Variants in ZSCAN5A observed in about 807,000 individuals in gnomAD.
ZSCAN5A encodes the protein zinc finger and SCAN domain containing 5A, also known as zinc finger and SCAN domain-containing protein 5A.
In ZSCAN5A, 12 loss-of-function variants were observed where a neutral mutation model predicts 23.7. The ratio of observed to expected loss-of-function variants is 0.51; its 90% CI spans 0.32 to 0.82. ZSCAN5A has a LOEUF of 0.82. ZSCAN5A is among the 40% of genes least tolerant of loss of function. The pLI, the probability that ZSCAN5A is intolerant of heterozygous loss-of-function variation, is 0.03. For missense variants in ZSCAN5A, 597 were observed against 617.9 expected, an observed-to-expected ratio of 0.97 and a Z score of 0.36; for synonymous variants, 257 against 239.9, an observed-to-expected ratio of 1.07 and a Z score of -0.66.
intron 2 of ZSCAN5A, among the ~76,000 whole-genome samples, chr19:56,279,438 G>A (rs2038515138): frequency 6.6e-6 from 1 of 152,174 alleles, no homozygotes; most frequent in Admixed American, 6.5e-5. Context: ...AAAGGACTGT[G>A]AGAACATAAT....
intron 2 of ZSCAN5A, among the ~76,000 whole-genome samples, chr19:56,294,455 A>G (rs1230912005): frequency 6.6e-6 from 1 of 152,226 alleles, no homozygotes; most frequent in African/African-American, 2.4e-5. Context: ...TGCTTGTTTG[A>G]GAATTCAGTG....
chr19:56,225,994 A>C (rs1370578593), intron 2 of ZSCAN5A, among the ~76,000 whole-genome samples: 1 of 151,714 alleles, frequency 6.6e-6, no homozygotes, highest in Non-Finnish European at 1.5e-5. Context: ...TACAATAATA[A>C]GATTTTTAAA....
At chr19:56,314,339 G>T (rs1486452970) in intron 1 of ZSCAN5A, 1 of 152,212 alleles carries the variant, frequency 6.6e-6, no homozygotes, top group East Asian at 1.9e-4. Flanking sequence ...GGCGTGAAAG[G>T]AAGTCTGGGT....
intron 2 of ZSCAN5A, among the ~76,000 whole-genome samples, chr19:56,325,259 T>C (rs2041422105): frequency 2.6e-5 from 4 of 152,214 alleles, no homozygotes; most frequent in Non-Finnish European, 5.9e-5. Context: ...CCCTTAAAGG[T>C]ATTGTGTGTG....
chr19:56,344,589 G>A (rs1009084728), intron 2 of ZSCAN5A, among the ~76,000 whole-genome samples: 6 of 150,880 alleles, frequency 4.0e-5, no homozygotes, highest in Non-Finnish European at 7.4e-5. Context: ...TGGCTAACAC[G>A]GAGAAACCCC....
chr19:56,282,801 C>T (rs1485932049), intron 2 of ZSCAN5A, among the ~76,000 whole-genome samples: 1 of 152,166 alleles, frequency 6.6e-6, no homozygotes, highest in Non-Finnish European at 1.5e-5. Flanking sequence ...TACCTGACAT[C>T]GATAATAATA....
chr19:56,335,007 G>A (rs553041268), intron 2 of ZSCAN5A, among the ~76,000 whole-genome samples: 15 of 152,250 alleles, frequency 9.9e-5, no homozygotes, highest in Non-Finnish European at 1.5e-4. Flanking sequence ...CTGAGCTAAA[G>A]TATCATGTTT....
intron 4 of ZSCAN5A, 107 bp from the exon 5 acceptor site, chr19:56,222,848 G>T: frequency 3.3e-6 from 5 of 1,505,954 alleles, no homozygotes; most frequent in Non-Finnish European, 4.6e-6. Flanking sequence ...AATGACACAG[G>T]TGTGGAAATA....
In ZSCAN5A at chr19:56,275,186, C is replaced by T. The variant is rs148572752; in HGVS notation, c.-128+38097G>A. Among the ~76,000 whole-genome samples the T allele has an allele frequency of 3.3e-4, 50 of 152,248 alleles. 1 individual carries two copies. In the South Asian group the frequency reaches 9.3e-3, roughly 28 times the overall value. On this transcript the variant is annotated intron_variant, in intron 2 of 5. Transcript: ENST00000683990. ...TTTCCCCCTTTGTAATTAATAAATA[C>T]GCTGGGGGAGAAATTTTGAGGCTAT...
chr19:56,285,000 C>T, intron 2 of ZSCAN5A: 1 of 985,290 alleles, frequency 1.0e-6, no homozygotes, highest in Non-Finnish European at 1.2e-6. Context: ...TTCCTCAGGT[C>T]TCATGAGCAG....
chr19:56,263,420 T>C (rs1274851429), intron 2 of ZSCAN5A: 2 of 152,186 alleles, frequency 1.3e-5, no homozygotes, highest in East Asian at 3.8e-4. Flanking sequence ...ATCTTATTCA[T>C]CTTCCTTTCA....
intron 2 of ZSCAN5A, chr19:56,285,157 T>C (rs1252403748): frequency 6.6e-6 from 2 of 300,770 alleles, no homozygotes; most frequent in African/African-American, 4.5e-5. Context: ...ACATGTTTTG[T>C]TTGAACTTTG....
chr19:56,244,438 C>T (rs764606175), intron 2 of ZSCAN5A: 2 of 1,579,796 alleles, frequency 1.3e-6, no homozygotes, highest in Non-Finnish European at 1.7e-6. Context: ...TGAGTGGGAC[C>T]CTCGTGACTG....
At position 56,222,079 on chromosome 19, in the gene ZSCAN5A, C is replaced by A; in HGVS notation, c.987G>T (p.Gly329=). 3 of 1,614,178 alleles carry A rather than the reference C, an allele frequency of 1.9e-6. No homozygotes were observed. The highest frequency in any genetic ancestry group is 2.5e-6 in the Non-Finnish European group (3 of 1,180,044). ...GGCCTGGGGAATGAATTGAATTCAT[C>A]CCAGCTTGTCCCGGGGATTCTCTGT... The part of the protein sequence containing the change: ...VGNRESPGQA[G]MNSIHSPGPA... Residue 329 remains glycine, a synonymous_variant, in exon 6 of 6, where the codon GGG becomes GGT. Coordinates refer to ENST00000683990, the MANE Select transcript of ZSCAN5A (RefSeq NM_001322064.3).
chr19:56,318,330 A>G (rs1254434815), upstream of ZSCAN5A, among the ~76,000 whole-genome samples: 2 of 152,182 alleles, frequency 1.3e-5, no homozygotes, highest in Non-Finnish European at 2.9e-5. Flanking sequence ...TTATTGCTTT[A>G]TAAATGCACG....
At chr19:56,262,297 G>A (rs868678494) in intron 2 of ZSCAN5A, among the ~76,000 whole-genome samples, 2 of 152,078 alleles carry the variant, frequency 1.3e-5, no homozygotes, top group Middle Eastern at 3.4e-3. Flanking sequence ...AGGATTACAG[G>A]CATGAGCCAC....
intron 2 of ZSCAN5A, among the ~76,000 whole-genome samples, chr19:56,261,661 A>C (rs1396531602): frequency 6.6e-6 from 1 of 152,136 alleles, no homozygotes; most frequent in African/African-American, 2.4e-5. Context: ...ATACAACTGA[A>C]AAGTGTATTA....
At chr19:56,343,194 C>T in intron 2 of ZSCAN5A, 2 of 751,578 alleles carry the variant, frequency 2.7e-6, no homozygotes, top group Non-Finnish European at 4.7e-6. Flanking sequence ...TCAGGTTTCT[C>T]CTCAGGAGAA....
At chr19:56,234,963 C>T (rs919678182) in intron 2 of ZSCAN5A, among the ~76,000 whole-genome samples, 16 of 152,224 alleles carry the variant, frequency 1.1e-4, no homozygotes, top group African/African-American at 2.4e-4. Flanking sequence ...GCAAAAGAAC[C>T]GCACTTGCAG....
Sources: allele counts gnomAD v4.1 joint callset (sites outside exome capture counted in the v4.1 genomes callset), GRCh38; gene constraint gnomAD v4.1.1; transcripts MANE v1.5; gene names NCBI Gene and HGNC (gene_info 2026-07-23, HGNC 2026-07-21).